Variants in INTS2 observed in about 807,000 individuals in gnomAD.
The protein encoded by INTS2 is integrator complex subunit 2, also known as KIAA1287.
In INTS2, 57 loss-of-function variants were observed where a neutral mutation model predicts 139.6. The observed-to-expected ratio is 0.41, with a 90% confidence interval of 0.33 to 0.51. INTS2 has a LOEUF of 0.51. INTS2 is among the 20% of genes least tolerant of loss of function. The pLI, the probability that INTS2 is intolerant of heterozygous loss-of-function variation, is 0.28. For missense variants in INTS2, 1,196 were observed against 1,436.7 expected (o/e 0.83, Z 2.71); for synonymous variants, 473 against 493.4 (o/e 0.96, Z 0.55).
chr17:61,926,521 CCAAA>C lies in INTS2; in HGVS notation c.120_123del (p.Cys40TrpfsTer47). The C allele has an allele frequency of 6.2e-7, 1 of 1,613,908 alleles. No individual in the cohort carries two copies. The highest frequency in any genetic ancestry group is 8.5e-7 in the Non-Finnish European group (1 of 1,179,816). ...GCAGGTGCACAAAGTGCCATCCGTACCAAACAGGGCAGAAGAAGTCTTAATTCTG... is the reference window on the plus strand; with the variant it reads ...GCAGGTGCACAAAGTGCCATCCGTACCAGGGCAGAAGAAGTCTTAATTCTG... On this transcript the variant is annotated frameshift_variant, in exon 2 of 25. Coordinates refer to ENST00000251334, the MANE Select transcript of INTS2 (RefSeq NM_001351695.2). LOFTEE classifies it high-confidence loss of function.
chr17:61,901,751 C>T (rs1023980983), intron 9 of INTS2, among the ~76,000 whole-genome samples: 18 of 151,746 alleles, frequency 1.2e-4, no homozygotes, highest in African/African-American at 3.4e-4. Flanking sequence ...CCACCATGAC[C>T]GGCTAATATT....
rs1276753378 is a variant in INTS2 at position 61,873,398 on chromosome 17, A to G, written c.2583-938T>C. On this transcript the variant is annotated intron_variant, in intron 19 of 24. Transcript: ENST00000251334. This position sits in a 1 kb window ranked among gnomAD's most constrained non-coding sequence, Gnocchi z 4.0. ...AATTTGAAATAAGAACATTAACATGAAAAAAGGTTCACAAGTTGTTAAGTG... is the reference window on the plus strand; with the variant it reads ...AATTTGAAATAAGAACATTAACATGGAAAAAGGTTCACAAGTTGTTAAGTG... Among the ~76,000 whole-genome samples, 1 of 152,120 alleles carries G rather than the reference A, an allele frequency of 6.6e-6. No individual in the cohort carries two copies. The highest frequency in any genetic ancestry group is 1.5e-5 in the Non-Finnish European group (1 of 68,034).
chr17:61,920,336 C>T (rs1394280556), intron 4 of INTS2, among the ~76,000 whole-genome samples: 1 of 152,002 alleles, frequency 6.6e-6, no homozygotes, highest in African/African-American at 2.4e-5. Flanking sequence ...AGCCTGCCAC[C>T]ACACCAGGCT....
chr17:61,882,741 G>A lies in INTS2; in HGVS notation c.2090-1570C>T, dbSNP rs1015236202. On this transcript the variant is annotated intron_variant, in intron 16 of 24. Transcript: ENST00000251334. The surrounding 1 kb of genome is among the most constrained non-coding windows in gnomAD (Gnocchi z 4.7). Reference sequence around the variant, plus strand: ...AAGATGCTGTCTCAAAAAAAATTATGACACCATAAAAATGCCTATTTAGTT... The same window carrying A: ...AAGATGCTGTCTCAAAAAAAATTATAACACCATAAAAATGCCTATTTAGTT... Among the ~76,000 whole-genome samples the A allele has an allele frequency of 6.6e-6, 1 of 152,166 alleles. No individual in the cohort carries two copies. The highest frequency in any genetic ancestry group is 1.9e-4 in the East Asian group (1 of 5,184).
At chr17:61,915,542 G>T (rs2079572746) in intron 5 of INTS2, among the ~76,000 whole-genome samples, 1 of 148,864 alleles carries the variant, frequency 6.7e-6, no homozygotes, top group Non-Finnish European at 1.5e-5. Flanking sequence ...AAAAAGTCCG[G>T]GCGCGGTGGC....
In INTS2 at chr17:61,869,260, A is replaced by C; in HGVS notation, c.3138+13T>G. The C allele has an allele frequency of 6.4e-7, 1 of 1,574,102 alleles. No individual in the cohort carries two copies. Among genetic ancestry groups the C allele is most frequent in the East Asian group, 2.3e-5 (1 of 44,182 alleles). On this transcript the variant is annotated intron_variant, in intron 22 of 24. Transcript: ENST00000251334. The surrounding 1 kb of genome is among the most constrained non-coding windows in gnomAD (Gnocchi z 5.4). ...AGAGATCAATTGTCCTAAAGCTCCA[A>C]AATGCTCATTACCTGTTTCTCAAGT...
rs2079119099 is a variant in INTS2 at position 61,875,373 on chromosome 17, TTCC to T, written c.2457-338_2457-336del. Among the ~76,000 whole-genome samples the T allele has an allele frequency of 6.6e-6, 1 of 152,210 alleles. No homozygotes were observed. Among genetic ancestry groups the T allele is most frequent in the African/African-American group, 2.4e-5 (1 of 41,458 alleles). On this transcript the variant is annotated intron_variant, in intron 18 of 24. Coordinates refer to ENST00000251334, the MANE Select transcript of INTS2 (RefSeq NM_001351695.2). The surrounding 1 kb of genome is among the most constrained non-coding windows in gnomAD (Gnocchi z 4.6). Reference sequence around the variant, plus strand: ...AAGTCACTGAGGCTCTCTAAACTGTTTCCTCGTCTGTAAAATAGAAATGACATA... The same window carrying T: ...AAGTCACTGAGGCTCTCTAAACTGTTTCGTCTGTAAAATAGAAATGACATA...
At chr17:61,906,963 C>CCAAAAA (rs2079471230) in intron 8 of INTS2, among the ~76,000 whole-genome samples, 1 of 80,206 alleles carries the variant, frequency 1.2e-5, no homozygotes, top group African/African-American at 4.6e-5. Flanking sequence ...GATTCCATCT[C>CCAAAAA]AAAAAAAAAA....
Sources: gnomAD v4.1 joint callset for allele counts (sites outside exome capture counted in the v4.1 genomes callset) on GRCh38, gnomAD v4.1.1 for gene constraint, Gnocchi (gnomAD v3.1) non-coding constraint, MANE v1.5 for transcripts, NCBI Gene and HGNC (gene_info 2026-07-23, HGNC 2026-07-21) for gene names.